PAK2: variants seen among roughly 807,000 people sequenced by gnomAD.
PAK2 encodes the protein p21 (RAC1) activated kinase 2.
Under a neutral mutation model 65.9 loss-of-function variants are expected in PAK2, and 21 were observed. That is an observed-to-expected ratio of 0.32 (90% CI 0.23 to 0.46). The LOEUF is 0.46. Ranked by LOEUF, PAK2 falls within the 20% of genes least tolerant of loss-of-function variation. The pLI is 1.00. For missense variants in PAK2, 324 were observed against 642.6 expected (o/e 0.50, Z 5.36); for synonymous variants, 204 against 219.7 (o/e 0.93, Z 0.63).
At chr3:196,770,082 C>T (rs563491744) in intron 1 of PAK2, among the ~76,000 whole-genome samples, 2 of 151,992 alleles carry the variant, frequency 1.3e-5, no homozygotes, top group African/African-American at 4.8e-5. Context: ...ATAGTGAGAC[C>T]TTGTCTCTGC....
chr3:196,798,625 T>C (rs1324056249), intron 2 of PAK2, among the ~76,000 whole-genome samples: 2 of 152,198 alleles, frequency 1.3e-5, no homozygotes, highest in South Asian at 2.1e-4. Context: ...ATTATAGGCA[T>C]GAGCCACTGT....
intron 1 of PAK2, among the ~76,000 whole-genome samples, chr3:196,765,722 A>T (rs1405206297): frequency 6.6e-6 from 1 of 152,184 alleles, no homozygotes; most frequent in Non-Finnish European, 1.5e-5. Flanking sequence ...GTGGTTAAAT[A>T]AAGGGACTAA....
intron 2 of PAK2, among the ~76,000 whole-genome samples, chr3:196,794,278 A>G (rs1391425536): frequency 6.6e-6 from 1 of 152,240 alleles, no homozygotes; most frequent in African/African-American, 2.4e-5. Context: ...ATGGTGGTGT[A>G]GAAGCACACT....
chr3:196,759,419 T>C (rs1713871247), intron 1 of PAK2, among the ~76,000 whole-genome samples: 1 of 151,230 alleles, frequency 6.6e-6, no homozygotes, highest in Non-Finnish European at 1.5e-5. Context: ...TCCTTAAAAA[T>C]TCCTTAAATT....
chr3:196,818,990 G>C (rs926542032), intron 12 of PAK2, among the ~76,000 whole-genome samples: 40 of 152,090 alleles, frequency 2.6e-4, no homozygotes, highest in Non-Finnish European at 2.9e-5. Flanking sequence ...TGTTACTCTT[G>C]TAGAATTCTC....
chr3:196,812,018 C>T (rs1347119922), intron 8 of PAK2, among the ~76,000 whole-genome samples: 1 of 152,002 alleles, frequency 6.6e-6, no homozygotes, highest in East Asian at 1.9e-4. Flanking sequence ...TGAAATATTT[C>T]ACACATAAGT....
chr3:196,758,804 C>T (rs1713848442), intron 1 of PAK2, among the ~76,000 whole-genome samples: 1 of 152,064 alleles, frequency 6.6e-6, no homozygotes, highest in South Asian at 2.1e-4. Context: ...AGCAGGCACT[C>T]ATGATCACGC....
At chr3:196,792,005 C>G (rs1715089746) in intron 2 of PAK2, among the ~76,000 whole-genome samples, 1 of 151,990 alleles carries the variant, frequency 6.6e-6, no homozygotes, top group Non-Finnish European at 1.5e-5. Context: ...TCTCAGGGAG[C>G]CGAGTCTGGC....
intron 1 of PAK2, among the ~76,000 whole-genome samples, chr3:196,759,491 T>TTTTTTTG (rs760031347): frequency 2.7e-5 from 3 of 110,120 alleles, no homozygotes; most frequent in South Asian, 3.3e-4. Context: ...GTTAAGTGGT[T>TTTTTTTG]TTTTTTGTTT....
At chr3:196,751,696 A>ATATATATATATATATACC in intron 1 of PAK2, among the ~76,000 whole-genome samples, 1 of 72,664 alleles carries the variant, frequency 1.4e-5, no homozygotes, top group Non-Finnish European at 2.5e-5. Flanking sequence ...TATATATATA[A>ATATATATATATATATACC]TTCAGGCTAT....
Position 196,793,586 on chromosome 3 carries a change from T to C in PAK2, c.188-8341T>C, listed in dbSNP as rs117696765. On this transcript the variant is annotated intron_variant, in intron 2 of 14. Coordinates refer to ENST00000327134, the MANE Select transcript of PAK2 (RefSeq NM_002577.4). ...AAATGAGAGGGAGAGTCCAAAACAATAGGGATAAAAACAGGAACTTAAAAG... is the reference window on the plus strand; with the variant it reads ...AAATGAGAGGGAGAGTCCAAAACAACAGGGATAAAAACAGGAACTTAAAAG... Among the ~76,000 whole-genome samples the C allele has an allele frequency of 2.0e-3, 303 of 151,204 alleles. 7 individuals are homozygous for C. The East Asian group carries it at 0.055, about 27-fold the overall frequency.
intron 2 of PAK2, among the ~76,000 whole-genome samples, chr3:196,799,445 A>G (rs1242216199): frequency 6.6e-6 from 1 of 152,176 alleles, no homozygotes; most frequent in Non-Finnish European, 1.5e-5. Flanking sequence ...GGGACCTTCA[A>G]GAGGCGACGC....
intron 1 of PAK2, among the ~76,000 whole-genome samples, chr3:196,742,445 G>T (rs1713231608): frequency 6.6e-6 from 1 of 152,152 alleles, no homozygotes; most frequent in Admixed American, 6.5e-5. Context: ...GGTAGCTAAA[G>T]ATAAACTTTC....
At chr3:196,826,336 T>G (rs892194712) in intron 13 of PAK2, among the ~76,000 whole-genome samples, 2 of 151,872 alleles carry the variant, frequency 1.3e-5, no homozygotes, top group African/African-American at 4.8e-5. Context: ...CACGCCCGGC[T>G]AATTTTTTGT....
chr3:196,811,326 C>CCTTCCTT (rs767093966), intron 8 of PAK2, among the ~76,000 whole-genome samples: 2 of 4,396 alleles, frequency 4.5e-4, no homozygotes, highest in Admixed American at 3.8e-3. Context: ...TTCCTTCCTT[C>CCTTCCTT]CCTTCCCTCC....
At chr3:196,812,903 C>A in intron 10 of PAK2, 52 bp downstream of exon 10, 1 of 825,084 alleles carries the variant, frequency 1.2e-6, no homozygotes, top group South Asian at 1.5e-5. Context: ...AATTTTAAGT[C>A]TCATGGTTTC....
intron 1 of PAK2, among the ~76,000 whole-genome samples, chr3:196,782,342 G>A (rs966420680): frequency 5.3e-5 from 8 of 151,176 alleles, no homozygotes; most frequent in Non-Finnish European, 1.0e-4. Context: ...TTTCTATTGA[G>A]AAGGTCTCTT....
intron 2 of PAK2, among the ~76,000 whole-genome samples, chr3:196,799,902 C>T (rs1353533742): frequency 6.6e-6 from 1 of 152,214 alleles, no homozygotes; most frequent in Non-Finnish European, 1.5e-5. Flanking sequence ...GCATGAGCTA[C>T]TGCTCGCAGC....
At chr3:196,824,411 G>A (rs1003525971) in intron 13 of PAK2, among the ~76,000 whole-genome samples, 7 of 152,126 alleles carry the variant, frequency 4.6e-5, no homozygotes, top group Non-Finnish European at 7.4e-5. Context: ...AAAACTTCCA[G>A]GCAACTGGAA....
Sources: allele counts gnomAD v4.1 joint callset (sites outside exome capture counted in the v4.1 genomes callset), GRCh38; gene constraint gnomAD v4.1.1; transcripts MANE v1.5; gene names NCBI Gene and HGNC (gene_info 2026-07-23, HGNC 2026-07-21).